FSIP1: variants seen among roughly 807,000 people sequenced by gnomAD.
The protein encoded by FSIP1 is fibrous sheath-interacting protein 1.
In FSIP1, 65 loss-of-function variants were observed where a neutral mutation model predicts 60.9. The ratio of observed to expected loss-of-function variants is 1.07; its 90% CI spans 0.87 to 1.31. The LOEUF is 1.31. Ranked by LOEUF, FSIP1 falls within the 40% of genes most tolerant of loss-of-function variation. The pLI is 0.00. For synonymous variants in FSIP1, 209 were observed against 221.2 expected (o/e 0.94, Z 0.49); for missense variants, 675 against 665.5 (o/e 1.01, Z -0.16).
At chr15:39,611,238 C>T (rs937741808) in intron 11 of FSIP1, among the ~76,000 whole-genome samples, 15 of 151,386 alleles carry the variant, frequency 9.9e-5, no homozygotes, top group East Asian at 5.8e-4. Flanking sequence ...GGGGGGAGGG[C>T]GTTAAAGTAT....
At chr15:39,653,505 T>C (rs1348330928) in intron 10 of FSIP1, among the ~76,000 whole-genome samples, 2 of 152,214 alleles carry the variant, frequency 1.3e-5, no homozygotes, top group African/African-American at 2.4e-5. Context: ...AAAAAAACTT[T>C]CTTTCTTTAT....
chr15:39,664,050 A>G (rs1239832109), intron 10 of FSIP1, among the ~76,000 whole-genome samples: 1 of 152,196 alleles, frequency 6.6e-6, no homozygotes, highest in African/African-American at 2.4e-5. Flanking sequence ...TACATCCCGC[A>G]GCATAACCAG....
intron 10 of FSIP1, among the ~76,000 whole-genome samples, chr15:39,695,073 A>C (rs906335767): frequency 1.1e-4 from 17 of 152,162 alleles, no homozygotes; most frequent in African/African-American, 4.1e-4. Context: ...TCTTGCTTTT[A>C]TGTAGGTTGT....
At chr15:39,716,709 A>C (rs537279640) in intron 9 of FSIP1, among the ~76,000 whole-genome samples, 1 of 152,148 alleles carries the variant, frequency 6.6e-6, no homozygotes, top group Non-Finnish European at 1.5e-5. Flanking sequence ...GATGAAAAAA[A>C]CTGTGAACAC....
intron 11 of FSIP1, among the ~76,000 whole-genome samples, chr15:39,613,245 GA>G (rs1891099825): frequency 6.6e-6 from 1 of 151,994 alleles, no homozygotes; most frequent in South Asian, 2.1e-4. Context: ...AAAACAAAAC[GA>G]AAATGAAATG....
intron 2 of FSIP1, 42 bp from the exon 3 acceptor site, chr15:39,770,652 G>GTT: frequency 2.3e-6 from 3 of 1,281,164 alleles, no homozygotes; most frequent in Non-Finnish European, 2.1e-6. Context: ...CGAAAATACT[G>GTT]TCTTTTTTTA....
At chr15:39,618,768 G>C (rs1353058361) in intron 10 of FSIP1, among the ~76,000 whole-genome samples, 1 of 152,146 alleles carries the variant, frequency 6.6e-6, no homozygotes, top group African/African-American at 2.4e-5. Flanking sequence ...TTTCAACCAA[G>C]ACCTTAAATA....
In FSIP1 at chr15:39,677,173, C is replaced by T. The variant is rs16969550; in HGVS notation, c.1188+36271G>A. On this transcript the variant is annotated intron_variant, in intron 10 of 11. Transcript: ENST00000350221. Reference sequence around the variant, plus strand: ...GGATCAATAATGTCAAAAACCATTACGTATGTGATTCATTAAATGCAATAA... The same window carrying T: ...GGATCAATAATGTCAAAAACCATTATGTATGTGATTCATTAAATGCAATAA... 1.6e-3 allele frequency among the ~76,000 whole-genome samples: 249 copies of T among 152,230 alleles called. 4 individuals are homozygous for T. Among genetic ancestry groups the T allele is most frequent in the South Asian group, 4.2e-4 (2 of 4,818 alleles).
At chr15:39,684,412 C>T (rs1894283915) in intron 10 of FSIP1, among the ~76,000 whole-genome samples, 1 of 152,166 alleles carries the variant, frequency 6.6e-6, no homozygotes. Context: ...CTCACTCAAA[C>T]TCAATGCTTG....
chr15:39,700,689 T>C (rs1895022758), intron 10 of FSIP1, among the ~76,000 whole-genome samples: 1 of 152,222 alleles, frequency 6.6e-6, no homozygotes, highest in African/African-American at 2.4e-5. Context: ...CCAGTGTCTA[T>C]ACAAGGCTTT....
At chr15:39,662,229 A>T (rs2140454506) in intron 10 of FSIP1, among the ~76,000 whole-genome samples, 1 of 152,272 alleles carries the variant, frequency 6.6e-6, no homozygotes, top group South Asian at 2.1e-4. Flanking sequence ...GGCAAGTTGT[A>T]TTATTTTAAA....
At chr15:39,673,185 T>C (rs1893788398) in intron 10 of FSIP1, among the ~76,000 whole-genome samples, 1 of 152,142 alleles carries the variant, frequency 6.6e-6, no homozygotes, top group Non-Finnish European at 1.5e-5. Context: ...GAAGAACAAA[T>C]ACGGACATTT....
chr15:39,700,405 C>T (rs1167081518), intron 10 of FSIP1, among the ~76,000 whole-genome samples: 1 of 152,150 alleles, frequency 6.6e-6, no homozygotes, highest in East Asian at 1.9e-4. Flanking sequence ...CAGCCTCTCC[C>T]ACTAGATCAA....
At chr15:39,663,623 A>C (rs1477895616) in intron 10 of FSIP1, among the ~76,000 whole-genome samples, 2 of 152,146 alleles carry the variant, frequency 1.3e-5, no homozygotes, top group South Asian at 2.1e-4. Flanking sequence ...TAGGAATGAA[A>C]ATGGACTAAA....
chr15:39,779,008 C>T (rs920205598), intron 1 of FSIP1, among the ~76,000 whole-genome samples: 1 of 151,942 alleles, frequency 6.6e-6, no homozygotes, highest in Admixed American at 6.6e-5. Flanking sequence ...GATGTGGCTA[C>T]GTAATAGTTA....
At chr15:39,628,725 G>C (rs1329780808) in intron 10 of FSIP1, among the ~76,000 whole-genome samples, 2 of 152,178 alleles carry the variant, frequency 1.3e-5, no homozygotes, top group Admixed American at 6.5e-5. Context: ...AAGTTAGCAG[G>C]GGGAGGCTGA....
intron 10 of FSIP1, among the ~76,000 whole-genome samples, chr15:39,710,960 C>T (rs1053175496): frequency 6.6e-6 from 1 of 152,174 alleles, no homozygotes; most frequent in African/African-American, 2.4e-5. Context: ...TGACATTTGT[C>T]ATATCCCTTT....
chr15:39,617,737 G>C lies in FSIP1; in HGVS notation c.1697C>G (p.Ala566Gly). The change falls in exon 11 of 12, where the codon GCA becomes GGA. Residue 566 changes from alanine (A) to glycine (G), a missense_variant and splice_region_variant. Physicochemically the swap from Ala to Gly is moderately conservative, Grantham distance 60 (BLOSUM62 0). Transcript: ENST00000350221. ...AACACATGTTCGCCAAGCCTCACCT[G>C]CTATTGTATTCTCTGGAGAACTGAG... ...LKLSSPENTI[A>G]DEQETKDAAE... 1.9e-6 allele frequency: 3 copies of C among 1,607,864 alleles called. No individual in the cohort carries two copies. Among genetic ancestry groups the C allele is most frequent in the Non-Finnish European group, 2.5e-6 (3 of 1,176,642 alleles).
chr15:39,718,233 T>G (rs907923273), intron 9 of FSIP1, among the ~76,000 whole-genome samples: 1 of 151,890 alleles, frequency 6.6e-6, no homozygotes, highest in South Asian at 2.1e-4. Flanking sequence ...TAGATAGATA[T>G]AGATACAGAT....
Sources: gnomAD v4.1 joint callset for allele counts (sites outside exome capture counted in the v4.1 genomes callset) on GRCh38, gnomAD v4.1.1 for gene constraint, MANE v1.5 for transcripts, NCBI Gene and HGNC (gene_info 2026-07-23, HGNC 2026-07-21) for gene names.